ARHGEF10: variants seen among roughly 807,000 people sequenced by gnomAD.
The protein encoded by ARHGEF10 is Rho guanine nucleotide exchange factor (GEF) 10.
A neutral mutation model predicts 147.4 loss-of-function variants in ARHGEF10; 140 were observed. The observed-to-expected ratio is 0.95, with a 90% CI of 0.83 to 1.09. ARHGEF10 has a LOEUF of 1.09. Among genes scored for constraint, ARHGEF10 ranks in the 50% least tolerant of loss-of-function variants. The pLI is 0.00. For synonymous variants in ARHGEF10, 902 were observed against 695.8 expected, an observed-to-expected ratio of 1.30 and a Z score of -4.67; for missense variants, 2,222 against 1,752.7, an observed-to-expected ratio of 1.27 and a Z score of -4.78.
At chr8:1,946,579 C>T (rs1585645109) in intron 27 of ARHGEF10, among the ~76,000 whole-genome samples, 2 of 152,192 alleles carry the variant, frequency 1.3e-5, no homozygotes, top group African/African-American at 4.8e-5. Flanking sequence ...TCATGGGGAC[C>T]CTATCCTCAT....
Position 1,948,313 on chromosome 8 carries a change from C to G in ARHGEF10, c.3397+2658C>G, listed in dbSNP as rs1814758034. Among the ~76,000 whole-genome samples, 1 of 152,200 alleles carries G rather than the reference C, an allele frequency of 6.6e-6. No homozygotes were observed. The highest frequency in any genetic ancestry group is 1.5e-5 in the Non-Finnish European group (1 of 68,044). Reference sequence around the variant, plus strand: ...TGGGTCTTTACTTATTCCTACACGACATAGTCAGGTCTGCATTTTAGACCC... The same window carrying G: ...TGGGTCTTTACTTATTCCTACACGAGATAGTCAGGTCTGCATTTTAGACCC... On this transcript the variant is annotated intron_variant, in intron 27 of 28. Coordinates refer to ENST00000349830, the MANE Select transcript of ARHGEF10 (RefSeq NM_014629.4). This position sits in a 1 kb window ranked among gnomAD's most constrained non-coding sequence, Gnocchi z 4.9.
chr8:1,918,857 T>G (rs868331573), intron 18 of ARHGEF10, among the ~76,000 whole-genome samples: 1 of 150,218 alleles, frequency 6.7e-6, no homozygotes, highest in Non-Finnish European at 1.5e-5. Flanking sequence ...AGAGCTGTTA[T>G]GTGGATGATG....
chr8:1,896,819 C>T lies in ARHGEF10; in HGVS notation c.1557+370C>T, dbSNP rs541461977. ...CCTCTTTGGGATCGGGGAGAGGCAC[C>T]GGCCTGGAGAGTCAGAGCCTGGAGC... On this transcript the variant is annotated intron_variant, in intron 14 of 28. Coordinates refer to ENST00000349830, the MANE Select transcript of ARHGEF10 (RefSeq NM_014629.4). Among the ~76,000 whole-genome samples, 8 of 152,296 alleles carry T rather than the reference C, an allele frequency of 5.3e-5. No individual in the cohort carries two copies. The East Asian group carries it at 1.2e-3, about 22-fold the overall frequency.
chr8:1,896,225 A>C (rs991729070), intron 13 of ARHGEF10, 108 bp from the exon 14 acceptor site: 20 of 868,212 alleles, frequency 2.3e-5, no homozygotes, highest in African/African-American at 1.2e-4. Flanking sequence ...AAAACATCAC[A>C]GTGACCGAAA....
intron 7 of ARHGEF10, among the ~76,000 whole-genome samples, chr8:1,874,250 C>T (rs1807446291): frequency 6.6e-6 from 1 of 152,130 alleles, no homozygotes; most frequent in Non-Finnish European, 1.5e-5. Flanking sequence ...ACATTGAAAA[C>T]CACCCGTTTT....
chr8:1,852,752 A>G (rs1805244566), intron 2 of ARHGEF10, among the ~76,000 whole-genome samples: 1 of 152,252 alleles, frequency 6.6e-6, no homozygotes, highest in South Asian at 2.1e-4. Flanking sequence ...TGAGCCAATT[A>G]CCTGCATACT....
intron 10 of ARHGEF10, among the ~76,000 whole-genome samples, 186 bp downstream of exon 10, chr8:1,882,935 G>C (rs548334603): frequency 2.0e-4 from 31 of 152,224 alleles, no homozygotes; most frequent in African/African-American, 7.0e-4. Flanking sequence ...TGCAGGGGTG[G>C]CGTTTTAGAC....
At chr8:1,844,612 G>C (rs556152454) in intron 2 of ARHGEF10, among the ~76,000 whole-genome samples, 1 of 152,118 alleles carries the variant, frequency 6.6e-6, no homozygotes, top group South Asian at 2.1e-4. Context: ...CGGGGTACGG[G>C]ACCCGGTACC....
chr8:1,905,999 C>T (rs531186259), intron 17 of ARHGEF10, among the ~76,000 whole-genome samples: 1 of 152,286 alleles, frequency 6.6e-6, no homozygotes, highest in Admixed American at 6.5e-5. Context: ...TCTTCATAAC[C>T]CTCCTAAATC....
intron 9 of ARHGEF10, among the ~76,000 whole-genome samples, chr8:1,880,578 G>A (rs754938148): frequency 4.6e-5 from 7 of 152,126 alleles, no homozygotes; most frequent in African/African-American, 9.7e-5. Flanking sequence ...ATTTTTCAGC[G>A]TTTTAACTTC....
intron 7 of ARHGEF10, chr8:1,870,023 A>G (rs62477525): frequency 0.5 from 75,911 of 152,952 alleles, 18,951 homozygotes; most frequent in East Asian, 0.52. Flanking sequence ...AGGAGGTGAC[A>G]GGGGCCCGGA....
Position 1,882,233 on chromosome 8 carries a change from G to A in ARHGEF10, c.961-402G>A, listed in dbSNP as rs1808262107. Among the ~76,000 whole-genome samples, 3 of 152,254 alleles carry A rather than the reference G, an allele frequency of 2.0e-5. No homozygotes were observed. The East Asian group carries it at 5.8e-4, about 29-fold the overall frequency. ...AGCTGGCCATGCCCCCACATGGGGT[G>A]CAGTGGGAAGCCCCGGGGAGGTTAA... is the stretch of plus-strand genomic sequence containing the variant. On this transcript the variant is annotated intron_variant, in intron 9 of 28. Coordinates refer to ENST00000349830, the MANE Select transcript of ARHGEF10 (RefSeq NM_014629.4).
At chr8:1,824,838 A>T (rs1201638487) in intron 1 of ARHGEF10, among the ~76,000 whole-genome samples, 1 of 8,436 alleles carries the variant, frequency 1.2e-4, no homozygotes, top group Non-Finnish European at 2.0e-4. Flanking sequence ...TCTTCCCCAC[A>T]CCCCACCTGT....
At chr8:1,849,401 G>A (rs1034343710) in intron 2 of ARHGEF10, among the ~76,000 whole-genome samples, 102 of 148,610 alleles carry the variant, frequency 6.9e-4, no homozygotes, top group Non-Finnish European at 1.0e-3. Flanking sequence ...CGAGGAGGGC[G>A]TGGGCCGGCC....
Position 1,864,404 on chromosome 8 carries a change from C to T in ARHGEF10, c.513C>T (p.Pro171=), listed in dbSNP as rs750820211. The change falls in exon 5 of 29, where the codon CCC becomes CCT. Residue 171 remains proline (P), a synonymous_variant. Coordinates refer to ENST00000349830, the MANE Select transcript of ARHGEF10 (RefSeq NM_014629.4). ...CAGAAGTCACAGAAGATCGCCAGCCCAATTCTCTGAGTTCCGAGGAGCCTC... is the reference window on the plus strand; with the variant it reads ...CAGAAGTCACAGAAGATCGCCAGCCTAATTCTCTGAGTTCCGAGGAGCCTC... ...ETPEVTEDRQ[P]NSLSSEEPPT... is the part of the protein sequence containing the mutation. 2.5e-6 allele frequency: 4 copies of T among 1,614,008 alleles called. No homozygotes were observed. In the East Asian group the frequency reaches 8.9e-5, roughly 36 times the overall value.
At chr8:1,919,509 G>T in intron 18 of ARHGEF10, among the ~76,000 whole-genome samples, 1 of 148,306 alleles carries the variant, frequency 6.7e-6, no homozygotes, top group Admixed American at 6.7e-5. Flanking sequence ...GTGGGTGATG[G>T]AGCTATTCTG....
At chr8:1,868,363 A>T (rs1340258112) in intron 6 of ARHGEF10, among the ~76,000 whole-genome samples, 1 of 152,154 alleles carries the variant, frequency 6.6e-6, no homozygotes, top group Non-Finnish European at 1.5e-5. Flanking sequence ...CATATGTCAT[A>T]GTTTGGACGT....
intron 25 of ARHGEF10, among the ~76,000 whole-genome samples, chr8:1,929,774 C>CT (rs1243942366): frequency 6.6e-6 from 1 of 152,202 alleles, no homozygotes; most frequent in African/African-American, 2.4e-5. Context: ...GCTGAGCAGC[C>CT]TGCCCGCCCG....
intron 2 of ARHGEF10, among the ~76,000 whole-genome samples, chr8:1,850,592 G>A (rs1277695700): frequency 3.4e-5 from 5 of 148,410 alleles, no homozygotes; most frequent in African/African-American, 1.0e-4. Flanking sequence ...CCGGGTGCTG[G>A]CGGGTGGCTA....
Sources: allele counts gnomAD v4.1 joint callset (sites outside exome capture counted in the v4.1 genomes callset), GRCh38; gene constraint gnomAD v4.1.1; non-coding constraint Gnocchi (gnomAD v3.1); transcripts MANE v1.5; gene names NCBI Gene and HGNC (gene_info 2026-07-23, HGNC 2026-07-21).